The following ADAD1 variants were observed in gnomAD, a reference collection of about 807,000 sequenced individuals.
The protein encoded by ADAD1 is adenosine deaminase domain containing 1.
In ADAD1, 46 loss-of-function variants were observed where a neutral mutation model predicts 66.8. That is an observed-to-expected ratio of 0.69 (90% CI 0.54 to 0.88). The LOEUF is 0.88. Among genes scored for constraint, ADAD1 ranks in the 40% least tolerant of loss-of-function variants. The pLI is 0.00. For synonymous variants in ADAD1, 248 were observed against 229.4 expected (o/e 1.08, Z -0.73); for missense variants, 617 against 681.8 (o/e 0.91, Z 1.06).
intron 5 of ADAD1, among the ~76,000 whole-genome samples, chr4:122,393,380 A>G (rs1315968970): frequency 1.3e-5 from 2 of 152,152 alleles, no homozygotes; most frequent in African/African-American, 4.8e-5. Context: ...CTGTAAGATT[A>G]GGAAACTCAG....
chr4:122,425,827 C>T (rs1797209008), intron 12 of ADAD1, among the ~76,000 whole-genome samples: 3 of 151,734 alleles, frequency 2.0e-5, no homozygotes. Context: ...AACCAATTCC[C>T]CATGGATACC....
At chr4:122,389,208 T>C (rs775983743) in intron 5 of ADAD1, among the ~76,000 whole-genome samples, 1 of 152,202 alleles carries the variant, frequency 6.6e-6, no homozygotes, top group African/African-American at 2.4e-5. Context: ...GTTCTAATTT[T>C]ATTGCACTGT....
In ADAD1 at chr4:122,415,400, C is replaced by T. The variant is rs775896031; in HGVS notation, c.1271C>T (p.Thr424Ile). Residue 424 changes from threonine (T) to isoleucine (I), a missense_variant, in exon 11 of 13, where the codon ACC (threonine) becomes ATC (isoleucine). Transcript: ENST00000296513. ...CTAGGTGATGGGAATTGCAGTGATA[C>T]CAGAGGCTTAGAAATCGCTATAAAG... The part of the protein sequence containing the change: ...ILIGDGNCSD[T>I]RGLEIAIKQR... The T allele has an allele frequency of 8.1e-6, 13 of 1,613,126 alleles. No individual in the cohort carries two copies. In the Admixed American group the frequency reaches 2.2e-4, roughly 27 times the overall value.
chr4:122,383,704 GA>G (rs750685928), intron 4 of ADAD1, 94 bp from the exon 5 acceptor site: 20 of 1,367,542 alleles, frequency 1.5e-5, no homozygotes, highest in Non-Finnish European at 1.9e-5. Context: ...TAGTTTTTGA[GA>G]ATTTTTGTAC....
In ADAD1 at chr4:122,415,447, A is replaced by G. The variant is rs1796685742; in HGVS notation, c.1318A>G (p.Thr440Ala). The G allele has an allele frequency of 2.5e-6, 4 of 1,613,938 alleles. No homozygotes were observed. The highest frequency in any genetic ancestry group is 3.4e-6 in the Non-Finnish European group (4 of 1,179,858). The change falls in exon 11 of 13, where the codon ACT (threonine) becomes GCT (alanine). Residue 440 changes from threonine (T) to alanine (A), a missense_variant. Thr to Ala is a moderately conservative substitution (Grantham distance 58). Coordinates refer to ENST00000296513, the MANE Select transcript of ADAD1 (RefSeq NM_139243.4). ...AIKQRVDDAL[T>A]SKLPMFYLVN... ...AAAGCAACGTGTTGATGATGCACTC[A>G]CTTCAAAACTTCCAATGTTTTACTT...
In ADAD1 at chr4:122,415,590, T is replaced by G; in HGVS notation, c.1461T>G (p.Asp487Glu). 6.2e-7 allele frequency: 1 copy of G among 1,613,770 alleles called. No homozygotes were observed. The highest frequency in any genetic ancestry group is 8.5e-7 in the Non-Finnish European group (1 of 1,179,716). ...AQGDVSLEIV[D>E]GLSGKITESS... ...GAGATGTTTCTTTGGAGATTGTGGATGGCCTGAGTGGGAAGATCACTGAAA... is the reference window on the plus strand; with the variant it reads ...GAGATGTTTCTTTGGAGATTGTGGAGGGCCTGAGTGGGAAGATCACTGAAA... The change falls in exon 11 of 13, where the codon GAT (aspartate) becomes GAG (glutamate). Residue 487 changes from aspartate to glutamate, a missense_variant. Physicochemically the swap from Asp to Glu is conservative, Grantham distance 45. Transcript: ENST00000296513.
chr4:122,392,047 A>G (rs981671406), intron 5 of ADAD1, among the ~76,000 whole-genome samples: 6 of 152,222 alleles, frequency 3.9e-5, no homozygotes, highest in Non-Finnish European at 8.8e-5. Flanking sequence ...CATCTTGTAC[A>G]GTCTTTCTTT....
At chr4:122,387,499 C>T (rs1795226181) in intron 5 of ADAD1, among the ~76,000 whole-genome samples, 1 of 152,092 alleles carries the variant, frequency 6.6e-6, no homozygotes, top group Non-Finnish European at 1.5e-5. Context: ...GACAAATTGA[C>T]TTCCTCTCTT....
At chr4:122,386,684 C>T (rs1307452136) in intron 5 of ADAD1, among the ~76,000 whole-genome samples, 1 of 152,164 alleles carries the variant, frequency 6.6e-6, no homozygotes, top group Non-Finnish European at 1.5e-5. Context: ...ACATTTAAGT[C>T]TTTAATCCAT....
intron 12 of ADAD1, among the ~76,000 whole-genome samples, chr4:122,422,956 TAA>T (rs537676034): frequency 4.1e-4 from 40 of 97,182 alleles, no homozygotes; most frequent in East Asian, 1.3e-3. Flanking sequence ...TATTTCTCTT[TAA>T]AAAAAAAAAA....
chr4:122,401,237 C>T (rs1333217891), intron 7 of ADAD1, among the ~76,000 whole-genome samples: 1 of 151,896 alleles, frequency 6.6e-6, no homozygotes, highest in Non-Finnish European at 1.5e-5. Flanking sequence ...TTTTAATTTC[C>T]ATTTGATTTC....
intron 5 of ADAD1, among the ~76,000 whole-genome samples, chr4:122,386,092 G>A (rs1349306770): frequency 2.0e-5 from 3 of 152,010 alleles, no homozygotes; most frequent in African/African-American, 7.3e-5. Flanking sequence ...GGTATTTCTG[G>A]TTCTAGATCC....
intron 7 of ADAD1, among the ~76,000 whole-genome samples, chr4:122,402,700 G>A (rs1369997349): frequency 6.6e-6 from 1 of 151,696 alleles, no homozygotes; most frequent in Non-Finnish European, 1.5e-5. Flanking sequence ...TTTATATTCT[G>A]TTTTCTTTGT....
intron 7 of ADAD1, among the ~76,000 whole-genome samples, chr4:122,405,690 T>G (rs1458875991): frequency 6.6e-6 from 1 of 152,180 alleles, no homozygotes; most frequent in African/African-American, 2.4e-5. Context: ...CAGGAGTTAT[T>G]AGTTTTACAA....
At chr4:122,382,543 TA>T (rs2150527552) in intron 4 of ADAD1, among the ~76,000 whole-genome samples, 1 of 152,134 alleles carries the variant, frequency 6.6e-6, no homozygotes, top group South Asian at 2.1e-4. Context: ...GCCTCCCAAA[TA>T]GCTAAGACTG....
intron 5 of ADAD1, among the ~76,000 whole-genome samples, chr4:122,387,007 T>C (rs1291726743): frequency 6.6e-6 from 1 of 152,220 alleles, no homozygotes; most frequent in Admixed American, 6.5e-5. Context: ...TAGGATTGTC[T>C]TGGCTATATG....
At chr4:122,403,695 T>C (rs1339574876) in intron 7 of ADAD1, among the ~76,000 whole-genome samples, 1 of 152,132 alleles carries the variant, frequency 6.6e-6, no homozygotes, top group Non-Finnish European at 1.5e-5. Flanking sequence ...TTGCCCTACC[T>C]TAGCCAGGAT....
chr4:122,391,875 G>A (rs1795469058), intron 5 of ADAD1, among the ~76,000 whole-genome samples: 1 of 152,074 alleles, frequency 6.6e-6, no homozygotes, highest in South Asian at 2.1e-4. Flanking sequence ...ATGCCCAGCT[G>A]ACCTTTGTAT....
At chr4:122,428,596 C>G (rs1797365756) in intron 12 of ADAD1, among the ~76,000 whole-genome samples, 1 of 152,160 alleles carries the variant, frequency 6.6e-6, no homozygotes, top group African/African-American at 2.4e-5. Flanking sequence ...TAAAAAGGAA[C>G]AAGCTACTGA....
Sources: allele counts gnomAD v4.1 joint callset (sites outside exome capture counted in the v4.1 genomes callset), GRCh38; gene constraint gnomAD v4.1.1; transcripts MANE v1.5; gene names NCBI Gene and HGNC (gene_info 2026-07-23, HGNC 2026-07-21).